ZNF626: variants seen among roughly 807,000 people sequenced by gnomAD.
ZNF626 encodes the protein CTC-513N18.7.
In ZNF626, 4 loss-of-function variants were observed where a neutral mutation model predicts 11.7. The ratio of observed to expected loss-of-function variants is 0.34; its 90% confidence interval spans 0.17 to 0.78. ZNF626 has a LOEUF of 0.78. Ranked by LOEUF, ZNF626 falls within the 30% of genes least tolerant of loss-of-function variation. The probability of loss-of-function intolerance (pLI) is 0.57; values close to 1 mark genes in which losing one functional copy is unlikely to be tolerated. For missense variants in ZNF626, 588 were observed against 587.1 expected, an observed-to-expected ratio of 1.00 and a Z score of -0.01; for synonymous variants, 179 against 198.6, an observed-to-expected ratio of 0.90 and a Z score of 0.83.
intron 3 of ZNF626, among the ~76,000 whole-genome samples, chr19:20,628,122 T>C (rs1400103312): frequency 2.0e-5 from 3 of 152,194 alleles, no homozygotes. Flanking sequence ...TCATTTTTTA[T>C]GGCTGCATAG....
chr19:20,628,250 G>A (rs1969863293), intron 3 of ZNF626, among the ~76,000 whole-genome samples: 1 of 152,208 alleles, frequency 6.6e-6, no homozygotes, highest in African/African-American at 2.4e-5. Context: ...ACATGTCCAT[G>A]TGTCTTTATA....
At chr19:20,640,736 A>C (rs547877810) in intron 3 of ZNF626, among the ~76,000 whole-genome samples, 1 of 152,124 alleles carries the variant, frequency 6.6e-6, no homozygotes, top group Admixed American at 6.5e-5. Context: ...TAAAAACACC[A>C]AATCTGTTGA....
intron 1 of ZNF626, among the ~76,000 whole-genome samples, chr19:20,652,882 A>G (rs1463391355): frequency 6.6e-6 from 1 of 152,142 alleles, no homozygotes; most frequent in Non-Finnish European, 1.5e-5. Context: ...TCTTGTCTAC[A>G]TGTCTACTCA....
intron 3 of ZNF626, among the ~76,000 whole-genome samples, chr19:20,641,916 A>C (rs1970028254): frequency 8.0e-6 from 1 of 124,326 alleles, no homozygotes; most frequent in Non-Finnish European, 1.6e-5. Flanking sequence ...TGTTTTTAAA[A>C]CAATGTTTAA....
intron 3 of ZNF626, among the ~76,000 whole-genome samples, chr19:20,644,177 C>T (rs73010226): frequency 3.9e-5 from 6 of 152,248 alleles, no homozygotes; most frequent in South Asian, 2.1e-4. Flanking sequence ...TTCCGTTACA[C>T]GAGCCACAGT....
At chr19:20,657,955 G>A (rs976661532) in intron 1 of ZNF626, among the ~76,000 whole-genome samples, 2 of 152,026 alleles carry the variant, frequency 1.3e-5, no homozygotes, top group South Asian at 4.1e-4. Context: ...GAGGGGGGAG[G>A]GTGGGAGCAG....
rs1275054092 is a variant in ZNF626 at position 20,625,435 on chromosome 19, C to G, written c.442G>C (p.Asp148His). Residue 148 changes from aspartate (D) to histidine (H), a missense_variant, in exon 4 of 4, where the codon GAT becomes CAT. Asp to His is a moderately conservative substitution (Grantham distance 81). This residue lies in a region of ZNF626 where 524 missense variants were observed against 470.1 expected (regional missense o/e 1.11). Transcript: ENST00000601440. ...TTTPRKICQC[D>H]KYVKVLHQFP... Reference sequence around the variant, plus strand: ...TGATGAAGGACTTTCACATATTTATCACATTGACATATTTTTCTTGGGGTA... The same window carrying G: ...TGATGAAGGACTTTCACATATTTATGACATTGACATATTTTTCTTGGGGTA... The G allele has an allele frequency of 6.8e-6, 11 of 1,613,962 alleles. No homozygotes were observed. Among genetic ancestry groups the G allele is most frequent in the African/African-American group, 1.3e-5 (1 of 74,932 alleles).
chr19:20,653,628 C>G (rs1970171398), intron 1 of ZNF626, among the ~76,000 whole-genome samples: 1 of 142,876 alleles, frequency 7.0e-6, no homozygotes, highest in Admixed American at 7.0e-5. Flanking sequence ...GACTCTGTCC[C>G]CTGCCCTCCC....
chr19:20,635,219 A>G (rs1361131299), intron 3 of ZNF626, among the ~76,000 whole-genome samples: 3 of 152,224 alleles, frequency 2.0e-5, no homozygotes, highest in African/African-American at 7.2e-5. Flanking sequence ...AGTGCCACGA[A>G]ATTGGATGAA....
rs1286023489 is a variant in ZNF626, at chr19:20,620,555, G to A, written c.*3735C>T. The A allele has an allele frequency of 6.6e-6, 1 of 152,036 alleles. No homozygotes were observed. The highest frequency in any genetic ancestry group is 2.4e-5 in the African/African-American group (1 of 41,408). 9.4% of individuals were successfully genotyped at this position (152,036 alleles called of 1,614,324 possible). A position where few individuals can be genotyped will look rare whatever the true frequency, so the allele number is the denominator to read the frequency against. On this transcript the variant is annotated 3_prime_UTR_variant, in exon 4 of 4. Transcript: ENST00000601440. The stretch of plus-strand genomic sequence containing the variant: ...TAATAATTTTTCAGGACTCAGAAAT[G>A]TAATTTTTTTTCCTTTGAGGAGTCT...
At chr19:20,638,879 A>G (rs1969994071) in intron 3 of ZNF626, among the ~76,000 whole-genome samples, 2 of 152,210 alleles carry the variant, frequency 1.3e-5, no homozygotes, top group South Asian at 4.1e-4. Context: ...TTCAGAAAAA[A>G]AATAAGAAAC....
At chr19:20,658,726 T>A (rs782464618) in intron 1 of ZNF626, among the ~76,000 whole-genome samples, 2 of 152,104 alleles carry the variant, frequency 1.3e-5, no homozygotes, top group Non-Finnish European at 2.9e-5. Flanking sequence ...CACCAACTCA[T>A]TGCCTAATAA....
chr19:20,628,040 T>C (rs9304973), intron 3 of ZNF626, among the ~76,000 whole-genome samples: 7 of 151,732 alleles, frequency 4.6e-5, no homozygotes, highest in African/African-American at 7.3e-5. Context: ...TTTGGTTTTT[T>C]GTCCTTGCGA....
At chr19:20,661,169 T>A (rs1466056420) in intron 1 of ZNF626, among the ~76,000 whole-genome samples, 12 of 143,344 alleles carry the variant, frequency 8.4e-5, no homozygotes, top group Admixed American at 8.3e-4. Context: ...CTGCACAATC[T>A]GGGAGAGACG....
At chr19:20,629,588 T>C (rs36124054) in intron 3 of ZNF626, among the ~76,000 whole-genome samples, 29,153 of 152,000 alleles carry the variant, frequency 0.19, 3,132 homozygotes, top group East Asian at 0.47. Flanking sequence ...CTGTCTGTTA[T>C]TGGTATATAA....
chr19:20,647,428 C>T (rs1970092064), intron 1 of ZNF626, among the ~76,000 whole-genome samples: 1 of 150,126 alleles, frequency 6.7e-6, no homozygotes, highest in Non-Finnish European at 1.5e-5. Flanking sequence ...TCCCAGAGAT[C>T]TTTAACCAAT....
chr19:20,626,759 A>C (rs1473710934), intron 3 of ZNF626, among the ~76,000 whole-genome samples: 2 of 152,082 alleles, frequency 1.3e-5, no homozygotes, highest in African/African-American at 2.4e-5. Flanking sequence ...TCATGCCTGT[A>C]ATCGCAGCAA....
intron 1 of ZNF626, among the ~76,000 whole-genome samples, chr19:20,659,271 G>C (rs933489585): frequency 4.6e-5 from 7 of 151,110 alleles, no homozygotes; most frequent in African/African-American, 7.3e-5. Context: ...ATGGAGTCTC[G>C]CTCGGCCACC....
intron 3 of ZNF626, among the ~76,000 whole-genome samples, chr19:20,633,562 G>T (rs1969932718): frequency 6.6e-6 from 1 of 152,210 alleles, no homozygotes; most frequent in Non-Finnish European, 1.5e-5. Context: ...CAATGAGTGA[G>T]ACTCCATTGG....
Sources: allele counts gnomAD v4.1 joint callset (sites outside exome capture counted in the v4.1 genomes callset), GRCh38; gene constraint gnomAD v4.1.1; regional missense constraint gnomAD v4.1.1; transcripts MANE v1.5; gene names NCBI Gene and HGNC (gene_info 2026-07-23, HGNC 2026-07-21).